FADS3: variants seen among roughly 807,000 people sequenced by gnomAD.
The protein encoded by FADS3 is fatty acid desaturase 3, also known as cytochrome b5-related protein.
In FADS3, 30 loss-of-function variants were observed where a neutral mutation model predicts 60.4. The observed-to-expected ratio is 0.50, with a 90% CI of 0.37 to 0.67. The LOEUF is 0.67. FADS3 is among the 30% of genes least tolerant of loss of function. The pLI is 0.00. For synonymous variants in FADS3, 234 were observed against 249.3 expected (o/e 0.94, Z 0.58); for missense variants, 432 against 598.3 (o/e 0.72, Z 2.90).
chr11:61,883,270 C>T (rs1183094398), intron 1 of FADS3, among the ~76,000 whole-genome samples: 1 of 152,238 alleles, frequency 6.6e-6, no homozygotes, highest in East Asian at 1.9e-4. Flanking sequence ...AGATCTGCCT[C>T]CTCCGGAAAC....
At chr11:61,881,665 CG>C (rs764394003) in intron 1 of FADS3, 1 of 152,110 alleles carries the variant, frequency 6.6e-6, no homozygotes, top group Non-Finnish European at 1.5e-5. Context: ...AGTCTTAAAA[CG>C]GAAGTGACAG....
At position 61,877,606 on chromosome 11, in the gene FADS3, G is replaced by A. The variant is rs867553634; in HGVS notation, c.809-19C>T. 2 of 1,611,120 alleles carry A rather than the reference G, an allele frequency of 1.2e-6. No homozygotes were observed. Among genetic ancestry groups the A allele is most frequent in the Middle Eastern group, 1.7e-4 (1 of 6,054 alleles). ...GGGCCGACTGCAAGAAGGGGCATGAGAGTGTTCAGGAGTGGGGCTGGGCTG... is the reference window on the plus strand; with the variant it reads ...GGGCCGACTGCAAGAAGGGGCATGAAAGTGTTCAGGAGTGGGGCTGGGCTG... On this transcript the variant is annotated intron_variant, in intron 6 of 11. Coordinates refer to ENST00000278829, the MANE Select transcript of FADS3 (RefSeq NM_021727.5). This position sits in a 1 kb window ranked among gnomAD's most constrained non-coding sequence, Gnocchi z 4.7.
chr11:61,879,487 C>G lies in FADS3; in HGVS notation c.347G>C (p.Arg116Pro), dbSNP rs945361268. 1 of 1,590,100 alleles carries G rather than the reference C, an allele frequency of 6.3e-7. No homozygotes were observed. The highest frequency in any genetic ancestry group is 1.1e-5 in the South Asian group (1 of 87,490). The change falls in exon 3 of 12, where the codon CGA (arginine) becomes CCA (proline). Residue 116 changes from arginine to proline, a missense_variant. Arg to Pro is a moderately radical substitution (Grantham distance 103). Around this residue, in one of 5 missense-constraint regions of FADS3, gnomAD observed 167 missense variants for 188.8 expected, o/e 0.88. Coordinates refer to ENST00000278829, the MANE Select transcript of FADS3 (RefSeq NM_021727.5). ...PLNAQLVEDF[R>P]ALHQAAEDMK... ...GTCCTCGGCTGCCTGGTGCAGGGCT[C>G]GGAAGTCCTCGACCAGCTGCGCCTG...
chr11:61,890,552 C>A (rs1371161299), intron 1 of FADS3: 2 of 152,442 alleles, frequency 1.3e-5, no homozygotes, highest in African/African-American at 4.8e-5. Context: ...CCCTGCCTGT[C>A]TAGACAGGGG....
intron 1 of FADS3, among the ~76,000 whole-genome samples, chr11:61,886,907 G>A (rs1726540331): frequency 6.6e-6 from 1 of 152,174 alleles, no homozygotes; most frequent in Non-Finnish European, 1.5e-5. Context: ...CTAGAAGGAG[G>A]GTCCTAAGGC....
In FADS3 at chr11:61,891,464, C is replaced by T. The variant is rs1170690509; in HGVS notation, c.-83G>A. The stretch of plus-strand genomic sequence containing the variant: ...GAGGGAAGCGAAGAGCGCTCCCGGG[C>T]GCCGCCTCCGCCGCCGCCCGCTGCT... On this transcript the variant is annotated 5_prime_UTR_variant, in exon 1 of 12. Transcript: ENST00000278829. 1.1e-6 allele frequency: 1 copy of T among 935,824 alleles called. No homozygotes were observed. The highest frequency in any genetic ancestry group is 1.4e-6 in the Non-Finnish European group (1 of 711,118). 58.0% of individuals were successfully genotyped at this position (935,824 alleles called of 1,614,324 possible).
At chr11:61,874,153 C>T (rs1241554294) in intron 11 of FADS3, among the ~76,000 whole-genome samples, 1 of 152,218 alleles carries the variant, frequency 6.6e-6, no homozygotes. Context: ...CCTCCTGCAC[C>T]CAGTTCTCCA....
At position 61,876,149 on chromosome 11, in the gene FADS3, G is replaced by A; in HGVS notation, c.1122C>T (p.Asn374=). The A allele has an allele frequency of 6.2e-7, 1 of 1,609,200 alleles. No individual in the cohort carries two copies. Among genetic ancestry groups the A allele is most frequent in the Non-Finnish European group, 8.5e-7 (1 of 1,178,068 alleles). ...TCNVEPSLFT[N]WFSGHLNFQI... is the part of the protein sequence containing the mutation. ...GGAAGTTGAGGTGCCCGCTGAACCA[G>A]TTGGTGAAAAGTGAGGGCTCCACGT... Residue 374 remains asparagine, a synonymous_variant, in exon 10 of 12, where the codon AAC becomes AAT. Transcript: ENST00000278829. This position sits in a 1 kb window ranked among gnomAD's most constrained non-coding sequence, Gnocchi z 5.7.
At chr11:61,879,976 GT>G in intron 2 of FADS3, 64 bp downstream of exon 2, 4 of 1,356,332 alleles carry the variant, frequency 2.9e-6, no homozygotes, top group Non-Finnish European at 4.1e-6. Flanking sequence ...ATGTGGCAAT[GT>G]CTCCCAGCCC....
At chr11:61,874,753 C>G (rs368676853) in intron 11 of FADS3, among the ~76,000 whole-genome samples, 7 of 152,222 alleles carry the variant, frequency 4.6e-5, no homozygotes, top group African/African-American at 1.4e-4. Context: ...CCTGCTCACA[C>G]GTCAGCCTGT....
In FADS3 at chr11:61,877,061, C is replaced by T; in HGVS notation, c.886-98G>A. ...GGAGGACCTCAGGCATCCAACCCTTCTGCCTGATTTGCCTCAGAGCCCAGG... is the reference window on the plus strand; with the variant it reads ...GGAGGACCTCAGGCATCCAACCCTTTTGCCTGATTTGCCTCAGAGCCCAGG... On this transcript the variant is annotated intron_variant, in intron 7 of 11. Coordinates refer to ENST00000278829, the MANE Select transcript of FADS3 (RefSeq NM_021727.5). This position sits in a 1 kb window ranked among gnomAD's most constrained non-coding sequence, Gnocchi z 4.7. 1.2e-6 allele frequency: 1 copy of T among 826,224 alleles called. No individual in the cohort carries two copies. The highest frequency in any genetic ancestry group is 1.7e-5 in the African/African-American group (1 of 58,052). The allele number at this position is 826,224 out of a possible 1,614,324, so 51.2% of individuals were successfully genotyped here.
At chr11:61,886,195 C>G (rs530770910) in intron 1 of FADS3, 2 of 152,546 alleles carry the variant, frequency 1.3e-5, no homozygotes, top group African/African-American at 2.4e-5. Context: ...GTGTCCCTGA[C>G]CCCACAGTAG....
chr11:61,884,683 G>A (rs981140029), intron 1 of FADS3, among the ~76,000 whole-genome samples: 4 of 152,130 alleles, frequency 2.6e-5, no homozygotes, highest in African/African-American at 9.6e-5. Flanking sequence ...ACTGTGGGAG[G>A]TCCCACCCTC....
rs1937940029 is a variant in FADS3, at chr11:61,877,346, G to C, written c.885+165C>G. The C allele has an allele frequency of 1.6e-6, 1 of 608,644 alleles. No homozygotes were observed. The highest frequency in any genetic ancestry group is 2.7e-5 in the Admixed American group (1 of 37,522). 37.7% of individuals were successfully genotyped at this position (608,644 alleles called of 1,614,324 possible). On this transcript the variant is annotated intron_variant, in intron 7 of 11. Coordinates refer to ENST00000278829, the MANE Select transcript of FADS3 (RefSeq NM_021727.5). This position sits in a 1 kb window ranked among gnomAD's most constrained non-coding sequence, Gnocchi z 4.7. ...CAGTCACGGGCACACTCGCTCTCCT[G>C]CTGCGCGCACACATGTGAGCCACAC...
chr11:61,887,320 C>T (rs1317507692), intron 1 of FADS3, among the ~76,000 whole-genome samples: 1 of 152,180 alleles, frequency 6.6e-6, no homozygotes, highest in African/African-American at 2.4e-5. Context: ...GCCCTGGCCA[C>T]ACTCTACCTC....
chr11:61,876,362 A>G lies in FADS3; in HGVS notation c.1077T>C (p.Ser359=). The G allele has an allele frequency of 6.2e-7, 1 of 1,606,202 alleles. No homozygotes were observed. Among genetic ancestry groups the G allele is most frequent in the Admixed American group, 1.7e-5 (1 of 59,994 alleles). The part of the protein sequence containing the change: ...GHEKHRDWVS[S]QLAATCNVEP... ...GGGCCCCACCCCTGCTGCCCACCTG[A>G]GAGCTGACCCAGTCCCGGTGCTTCT... is the stretch of plus-strand genomic sequence containing the variant. The change falls in exon 9 of 12, where the codon TCT becomes TCC. Residue 359 remains serine (S), a synonymous_variant. Coordinates refer to ENST00000278829, the MANE Select transcript of FADS3 (RefSeq NM_021727.5). This position sits in a 1 kb window ranked among gnomAD's most constrained non-coding sequence, Gnocchi z 5.7.
chr11:61,873,800 C>T lies in FADS3; in HGVS notation c.*14G>A, dbSNP rs1937765321. 1 of 1,608,770 alleles carries T rather than the reference C, an allele frequency of 6.2e-7. No homozygotes were observed. Among genetic ancestry groups the T allele is most frequent in the South Asian group, 1.1e-5 (1 of 89,970 alleles). On this transcript the variant is annotated 3_prime_UTR_variant, in exon 12 of 12. Transcript: ENST00000278829. ...GGTGCCCTGAGCCCTTCTCTGCCCG[C>T]CTGGGTGTTGCCTTCACTGATGGAG...
chr11:61,876,834 C>T lies in FADS3; in HGVS notation c.983+32G>A, dbSNP rs773553135. ...GGGCTGCAGTGGGGGTCACCTGTCG[C>T]CTGTGTGTGACCTCGCCACTCCCTG... On this transcript the variant is annotated intron_variant, in intron 8 of 11. Coordinates refer to ENST00000278829, the MANE Select transcript of FADS3 (RefSeq NM_021727.5). The surrounding 1 kb of genome is among the most constrained non-coding windows in gnomAD (Gnocchi z 5.7). The T allele has an allele frequency of 5.2e-6, 8 of 1,539,866 alleles. No individual in the cohort carries two copies. The South Asian group carries it at 9.3e-5, about 18-fold the overall frequency.
intron 1 of FADS3, among the ~76,000 whole-genome samples, chr11:61,889,906 T>C (rs1347375708): frequency 6.6e-6 from 1 of 152,142 alleles, no homozygotes; most frequent in African/African-American, 2.4e-5. Flanking sequence ...ACAAGACTCC[T>C]TGAAGGGAGG....
Sources: allele counts gnomAD v4.1 joint callset (sites outside exome capture counted in the v4.1 genomes callset), GRCh38; gene constraint gnomAD v4.1.1; regional missense constraint gnomAD v4.1.1; non-coding constraint Gnocchi (gnomAD v3.1); transcripts MANE v1.5; gene names NCBI Gene and HGNC (gene_info 2026-07-23, HGNC 2026-07-21).